Variants in NRG1 observed in about 807,000 individuals in gnomAD.
The protein encoded by NRG1 is neuregulin 1.
NRG1 carries 18 observed loss-of-function variants against 63.8 expected under a neutral mutation model. That is an observed-to-expected ratio of 0.28 (90% CI 0.19 to 0.42). NRG1 has a LOEUF of 0.42. Among genes scored for constraint, NRG1 ranks in the 10% least tolerant of loss-of-function variants. The pLI is 1.00. For synonymous variants in NRG1, 302 were observed against 301.3 expected, an observed-to-expected ratio of 1.00 and a Z score of -0.02; for missense variants, 762 against 814.7, an observed-to-expected ratio of 0.94 and a Z score of 0.79.
chr8:31,689,169 T>C (rs1809225421), intron 1 of NRG1, among the ~76,000 whole-genome samples: 1 of 152,190 alleles, frequency 6.6e-6, no homozygotes, highest in African/African-American at 2.4e-5. Context: ...GTCACATGAT[T>C]AACAATCTAA....
intron 5 of NRG1, among the ~76,000 whole-genome samples, chr8:32,649,258 A>C (rs1854449271): frequency 6.6e-6 from 1 of 151,250 alleles, no homozygotes. Context: ...CCACGCTCTT[A>C]AAAACAATAC....
chr8:32,256,597 G>A (rs1228057151), intron 1 of NRG1: 3 of 153,104 alleles, frequency 2.0e-5, no homozygotes, highest in African/African-American at 4.8e-5. Flanking sequence ...CTGTTTGCCT[G>A]GGTATCACCA....
chr8:32,009,226 C>T (rs1453512198), intron 1 of NRG1, among the ~76,000 whole-genome samples: 1 of 152,044 alleles, frequency 6.6e-6, no homozygotes, highest in Admixed American at 6.6e-5. Context: ...GTAAGTATCA[C>T]CTCTCCTTGC....
At chr8:32,645,993 G>A (rs1052074865) in intron 5 of NRG1, among the ~76,000 whole-genome samples, 4 of 152,308 alleles carry the variant, frequency 2.6e-5, no homozygotes, top group Non-Finnish European at 5.9e-5. Flanking sequence ...CTTTCAGTGC[G>A]GTGATAGCTG....
chr8:32,149,494 G>A (rs982327157), intron 1 of NRG1, among the ~76,000 whole-genome samples: 12 of 145,508 alleles, frequency 8.2e-5, no homozygotes, highest in African/African-American at 2.9e-4. Context: ...TGTTCTAAAT[G>A]TCCACTGCAC....
chr8:31,763,495 T>C (rs1345382538), intron 1 of NRG1, among the ~76,000 whole-genome samples: 1 of 152,166 alleles, frequency 6.6e-6, no homozygotes, highest in Non-Finnish European at 1.5e-5. Flanking sequence ...CTTCCCCCTT[T>C]CCATGTTTAA....
At chr8:32,678,749 A>G (rs1038023633) in intron 5 of NRG1, among the ~76,000 whole-genome samples, 3 of 152,162 alleles carry the variant, frequency 2.0e-5, no homozygotes, top group Admixed American at 6.6e-5. Context: ...GTAGATAACC[A>G]TTTTCATTAC....
At chr8:31,923,857 A>G (rs1264050834) in intron 1 of NRG1, among the ~76,000 whole-genome samples, 4 of 151,952 alleles carry the variant, frequency 2.6e-5, no homozygotes, top group East Asian at 3.9e-4. Flanking sequence ...ATCATCCACT[A>G]TCTCCCACCC....
chr8:32,543,528 G>A (rs1225360956), upstream of NRG1, among the ~76,000 whole-genome samples: 7 of 152,004 alleles, frequency 4.6e-5, no homozygotes, highest in Middle Eastern at 3.4e-3. Flanking sequence ...AATGTATGAC[G>A]TTGGCCCTGT....
chr8:32,161,255 C>T (rs1360166392), intron 1 of NRG1, among the ~76,000 whole-genome samples: 1 of 151,988 alleles, frequency 6.6e-6, no homozygotes, highest in African/African-American at 2.4e-5. Flanking sequence ...GAATTCTCAT[C>T]TCAAATTCCG....
Position 32,608,107 on chromosome 8 carries a change from GT to G in NRG1, c.400+2439del, listed in dbSNP as rs1224928528. Among the ~76,000 whole-genome samples, 154 of 104,832 alleles carry G rather than the reference GT, an allele frequency of 1.5e-3. 1 individual carries two copies. The highest frequency in any genetic ancestry group is 3.7e-3 in the African/African-American group (97 of 26,562). 68.8% of individuals were successfully genotyped at this position (104,832 alleles called of 152,430 possible). On this transcript the variant is annotated intron_variant, in intron 3 of 11. Coordinates refer to ENST00000356819, the Ensembl canonical transcript of NRG1. ...GGTTTTTTTTGTTTTTTTTTTTTTT[GT>G]TTTTTTTTTTTTTTGCTTCATTCCT...
chr8:31,780,416 C>T (rs1819567713), intron 1 of NRG1, among the ~76,000 whole-genome samples: 1 of 152,118 alleles, frequency 6.6e-6, no homozygotes, highest in Admixed American at 6.6e-5. Flanking sequence ...TCTGTGTTTC[C>T]TATCACCTGT....
At chr8:32,185,229 C>A (rs73576636) in intron 1 of NRG1, among the ~76,000 whole-genome samples, 2,043 of 152,202 alleles carry the variant, frequency 0.013, 55 homozygotes, top group African/African-American at 0.046. Context: ...ACCATAACAC[C>A]GTGAATATAG....
At position 32,693,250 on chromosome 8, in the gene NRG1, G is replaced by A. The variant is rs561062836; in HGVS notation, c.503-34699G>A. Among the ~76,000 whole-genome samples, 74 of 143,600 alleles carry A rather than the reference G, an allele frequency of 5.2e-4. 1 individual carries two copies. In the Middle Eastern group the frequency reaches 0.011, roughly 21 times the overall value. The allele number at this position is 143,600 out of a possible 152,430, so 94.2% of individuals were successfully genotyped here. On this transcript the variant is annotated intron_variant, in intron 5 of 11. Transcript: ENST00000356819. The stretch of plus-strand genomic sequence containing the variant: ...TTTTTTTCTTTTGAGACAGAGTCTC[G>A]CTCTGTCACCCAGGCTGGAGTGCAG...
intron 7 of NRG1, among the ~76,000 whole-genome samples, chr8:32,752,032 T>G (rs1828829258): frequency 6.6e-6 from 1 of 152,178 alleles, no homozygotes; most frequent in Non-Finnish European, 1.5e-5. Context: ...TAGACAAGAA[T>G]AACCACAGAC....
At chr8:31,911,587 G>T (rs574466299) in intron 1 of NRG1, among the ~76,000 whole-genome samples, 1 of 152,190 alleles carries the variant, frequency 6.6e-6, no homozygotes, top group African/African-American at 2.4e-5. Flanking sequence ...CTTACCAGAT[G>T]GAGGAGGGAG....
chr8:32,095,617 T>A (rs1327854404), intron 1 of NRG1, among the ~76,000 whole-genome samples: 1 of 152,094 alleles, frequency 6.6e-6, no homozygotes, highest in Non-Finnish European at 1.5e-5. Context: ...TGGGAAAGAA[T>A]AAATAACTCT....
At chr8:31,772,354 ACT>A (rs1156498204) in intron 1 of NRG1, among the ~76,000 whole-genome samples, 12 of 151,646 alleles carry the variant, frequency 7.9e-5, no homozygotes, top group Non-Finnish European at 1.8e-4. Flanking sequence ...CGTCACCAAG[ACT>A]CTCTACACAG....
chr8:31,988,245 A>G (rs1810424321), intron 1 of NRG1, among the ~76,000 whole-genome samples: 1 of 152,104 alleles, frequency 6.6e-6, no homozygotes, highest in African/African-American at 2.4e-5. Flanking sequence ...AATTGGGTTA[A>G]TGGTTGTAAC....
Sources: gnomAD v4.1 joint callset for allele counts (sites outside exome capture counted in the v4.1 genomes callset) on GRCh38, gnomAD v4.1.1 for gene constraint, MANE v1.5 for transcripts, NCBI Gene and HGNC (gene_info 2026-07-23, HGNC 2026-07-21) for gene names.